Variants in STXBP6 observed in about 807,000 individuals in gnomAD.
The protein encoded by STXBP6 is syntaxin-binding protein 6.
In STXBP6, 21 loss-of-function variants were observed where a neutral mutation model predicts 26.9. That is an observed-to-expected ratio of 0.78 (90% CI 0.55 to 1.12). The LOEUF (loss-of-function observed/expected upper bound fraction) is 1.12. STXBP6 is among the 50% of genes most tolerant of loss of function. The probability of loss-of-function intolerance (pLI) is 0.00; values close to 1 mark genes in which losing one functional copy is unlikely to be tolerated. For synonymous variants in STXBP6, 97 were observed against 92.6 expected (o/e 1.05, Z -0.27); for missense variants, 232 against 257.9 (o/e 0.90, Z 0.69).
chr14:24,936,833 T>A (rs2072618413), intron 2 of STXBP6, among the ~76,000 whole-genome samples: 1 of 152,218 alleles, frequency 6.6e-6, no homozygotes, highest in Admixed American at 6.5e-5. Context: ...TAAAGACACA[T>A]GCACACATAT....
intron 1 of STXBP6, among the ~76,000 whole-genome samples, chr14:25,021,670 G>A (rs774165334): frequency 7.9e-5 from 12 of 152,082 alleles, no homozygotes; most frequent in Admixed American, 3.3e-4. Context: ...TGTCCTCCAT[G>A]ACCGATGCTT....
intron 2 of STXBP6, among the ~76,000 whole-genome samples, chr14:24,864,442 G>A (rs973263956): frequency 6.6e-6 from 1 of 152,076 alleles, no homozygotes; most frequent in African/African-American, 2.4e-5. Flanking sequence ...ACAATGAGAA[G>A]AGATGGAAGC....
intron 1 of STXBP6, among the ~76,000 whole-genome samples, chr14:25,024,255 G>T (rs2075308998): frequency 6.6e-6 from 1 of 151,962 alleles, no homozygotes. Context: ...GTTGCAGTGA[G>T]CCGAGATTGT....
chr14:24,826,864 A>G (rs2068300909), intron 4 of STXBP6, among the ~76,000 whole-genome samples: 1 of 152,212 alleles, frequency 6.6e-6, no homozygotes, highest in East Asian at 1.9e-4. Context: ...CTTAATCTCT[A>G]TGAGCCTATG....
intron 1 of STXBP6, among the ~76,000 whole-genome samples, chr14:25,021,971 A>G (rs2075270632): frequency 6.6e-6 from 1 of 152,238 alleles, no homozygotes; most frequent in Non-Finnish European, 1.5e-5. Flanking sequence ...AGGGAGTGGT[A>G]TAGGCCTATA....
At chr14:24,834,207 C>T (rs1344749945) in intron 4 of STXBP6, among the ~76,000 whole-genome samples, 3 of 152,092 alleles carry the variant, frequency 2.0e-5, no homozygotes, top group Non-Finnish European at 4.4e-5. Context: ...GTTGCCCAGG[C>T]TAGTCTTAAA....
At chr14:25,022,892 T>C (rs953244614) in intron 1 of STXBP6, among the ~76,000 whole-genome samples, 1 of 152,188 alleles carries the variant, frequency 6.6e-6, no homozygotes, top group Non-Finnish European at 1.5e-5. Flanking sequence ...ATGAAATTCA[T>C]GATGTTCCTA....
At chr14:24,972,322 T>A (rs543637558) in intron 2 of STXBP6, among the ~76,000 whole-genome samples, 1 of 152,348 alleles carries the variant, frequency 6.6e-6, no homozygotes, top group Non-Finnish European at 1.5e-5. Flanking sequence ...GGTCATTATC[T>A]TCTATGGCAG....
At chr14:24,886,548 T>C (rs910332464) in intron 2 of STXBP6, among the ~76,000 whole-genome samples, 1 of 151,358 alleles carries the variant, frequency 6.6e-6, no homozygotes, top group African/African-American at 2.4e-5. Context: ...ACAATTCAGA[T>C]GACATGTTCT....
chr14:24,973,709 A>C lies in STXBP6; in HGVS notation c.154+956T>G, dbSNP rs7161233. Among the ~76,000 whole-genome samples, 1,056 of 152,070 alleles carry C rather than the reference A, an allele frequency of 6.9e-3. 11 individuals are homozygous for C. The highest frequency in any genetic ancestry group is 0.024 in the African/African-American group (990 of 41,500). Reference sequence around the variant, plus strand: ...GCCCTTTGAAAAATAATTCTTACCAAAGTGCTATGTTCTTACTTCATTTTA... The same window carrying C: ...GCCCTTTGAAAAATAATTCTTACCACAGTGCTATGTTCTTACTTCATTTTA... On this transcript the variant is annotated intron_variant, in intron 2 of 5. Coordinates refer to ENST00000323944, the MANE Select transcript of STXBP6 (RefSeq NM_001394410.1).
chr14:24,845,260 C>A (rs1380496648), intron 4 of STXBP6, among the ~76,000 whole-genome samples: 6 of 152,174 alleles, frequency 3.9e-5, no homozygotes, highest in Non-Finnish European at 8.8e-5. Flanking sequence ...GATCTGCCCA[C>A]CTTGGCCTCC....
At chr14:24,973,468 C>A (rs1387768461) in intron 2 of STXBP6, among the ~76,000 whole-genome samples, 1 of 146,756 alleles carries the variant, frequency 6.8e-6, no homozygotes, top group Non-Finnish European at 1.5e-5. Flanking sequence ...TCACTGCAAC[C>A]TCTGCCTCCT....
chr14:24,869,559 A>G (rs1041093729), intron 2 of STXBP6, among the ~76,000 whole-genome samples: 3 of 152,210 alleles, frequency 2.0e-5, no homozygotes, highest in African/African-American at 7.2e-5. Flanking sequence ...CTGGTGCTGA[A>G]TAAGTGGTGA....
chr14:25,030,142 C>T (rs560380635), intron 1 of STXBP6, among the ~76,000 whole-genome samples: 2 of 152,320 alleles, frequency 1.3e-5, no homozygotes, highest in South Asian at 4.1e-4. Context: ...GCATCCCTTG[C>T]CAATTAGATA....
chr14:24,957,283 A>G (rs1595187517), intron 2 of STXBP6, among the ~76,000 whole-genome samples: 1 of 152,358 alleles, frequency 6.6e-6, no homozygotes, highest in East Asian at 1.9e-4. Flanking sequence ...ACTTGTAAGC[A>G]TCTAGCCTTG....
chr14:24,909,652 C>T (rs1482250764), intron 2 of STXBP6, among the ~76,000 whole-genome samples: 14 of 151,368 alleles, frequency 9.2e-5, no homozygotes, highest in South Asian at 4.2e-4. Context: ...CTAGGTGTGG[C>T]GGCTAGTTGG....
rs966630383 is a variant in STXBP6, at chr14:25,042,931, C to T, written c.-33+6947G>A. Among the ~76,000 whole-genome samples the T allele has an allele frequency of 3.3e-5, 5 of 152,342 alleles. No homozygotes were observed. The East Asian group carries it at 9.6e-4, about 29-fold the overall frequency. ...GTTGATGTTCACGTAATGCTGACCA[C>T]CACAAGAACCCTCTTTAAATAGAGA... On this transcript the variant is annotated intron_variant, in intron 1 of 5. Coordinates refer to ENST00000323944, the MANE Select transcript of STXBP6 (RefSeq NM_001394410.1).
intron 2 of STXBP6, among the ~76,000 whole-genome samples, chr14:24,950,758 T>C (rs1595173306): frequency 6.6e-6 from 1 of 152,310 alleles, no homozygotes; most frequent in African/African-American, 2.4e-5. Context: ...TTTTTAAAGT[T>C]GTATTTTAAG....
intron 2 of STXBP6, among the ~76,000 whole-genome samples, chr14:24,870,320 T>C (rs370283888): frequency 1.3e-5 from 2 of 152,140 alleles, no homozygotes; most frequent in East Asian, 3.9e-4. Flanking sequence ...TATTGGCCCC[T>C]TCAAAAGCAA....
Sources: allele counts gnomAD v4.1 joint callset (sites outside exome capture counted in the v4.1 genomes callset), GRCh38; gene constraint gnomAD v4.1.1; transcripts MANE v1.5; gene names NCBI Gene and HGNC (gene_info 2026-07-23, HGNC 2026-07-21).